Variants in SLC30A7 observed in about 807,000 individuals in gnomAD.
SLC30A7 encodes the protein solute carrier family 30 member 7.
In SLC30A7, 35 loss-of-function variants were observed where a neutral mutation model predicts 46.0. The ratio of observed to expected loss-of-function variants is 0.76; its 90% CI spans 0.58 to 1.01. The LOEUF (loss-of-function observed/expected upper bound fraction) is 1.01, where lower values mean the gene tolerates loss of function less well. Ranked by LOEUF, SLC30A7 falls within the 50% of genes least tolerant of loss-of-function variation. SLC30A7 has a pLI of 0.00. For synonymous variants in SLC30A7, 147 were observed against 157.8 expected, an observed-to-expected ratio of 0.93 and a Z score of 0.51; for missense variants, 464 against 451.1, an observed-to-expected ratio of 1.03 and a Z score of -0.26.
Position 100,974,814 on chromosome 1 carries a change from G to C in SLC30A7, c.1088G>C (p.Gly363Ala), listed in dbSNP as rs763508642. Residue 363 changes from glycine (G) to alanine (A), a missense_variant, in exon 11 of 11, where the codon GGA becomes GCA. Gly to Ala is a moderately conservative substitution (Grantham distance 60). Transcript: ENST00000357650. Reference protein sequence around the residue: ...SQTHNIFTQAGVRQLYVQIDF... With the variant: ...SQTHNIFTQAAVRQLYVQIDF... The stretch of plus-strand genomic sequence containing the variant: ...TTTTTTTTTCTTACTTTTCAGGCTG[G>C]AGTGAGACAGCTCTACGTACAGATT... 1.9e-6 allele frequency: 3 copies of C among 1,583,962 alleles called. No homozygotes were observed. Among genetic ancestry groups the C allele is most frequent in the Non-Finnish European group, 2.6e-6 (3 of 1,159,648 alleles).
At chr1:100,972,327 C>A (rs767056947) in intron 10 of SLC30A7, 3 of 312,262 alleles carry the variant, frequency 9.6e-6, no homozygotes, top group South Asian at 6.0e-5. Context: ...CTGTCCTCAT[C>A]GGGCCAGATG....
rs535366584 is a variant in SLC30A7 at position 100,959,835 on chromosome 1, G to A, written c.843-1993G>A. Among the ~76,000 whole-genome samples the A allele has an allele frequency of 1.3e-4, 20 of 152,310 alleles. 1 individual carries two copies. In the South Asian group the frequency reaches 3.9e-3, roughly 30 times the overall value. ...GGCAGGGTCATTGGGAGCCATCACT[G>A]AAGCTGCCTGTTACGTGGACTTGAG... On this transcript the variant is annotated intron_variant, in intron 8 of 10. Coordinates refer to ENST00000357650, the MANE Select transcript of SLC30A7 (RefSeq NM_133496.5).
intron 8 of SLC30A7, among the ~76,000 whole-genome samples, chr1:100,961,017 C>T (rs1463651606): frequency 7.1e-6 from 1 of 141,498 alleles, no homozygotes; most frequent in African/African-American, 2.7e-5. Context: ...TGCAGTGGTG[C>T]GATCTCGGCT....
chr1:100,922,058 A>G lies in SLC30A7; in HGVS notation c.842+217A>G, dbSNP rs191376431. Among the ~76,000 whole-genome samples the G allele has an allele frequency of 1.6e-3, 239 of 150,930 alleles. 1 individual carries two copies. Among genetic ancestry groups the G allele is most frequent in the Non-Finnish European group, 2.7e-3 (184 of 67,850 alleles). On this transcript the variant is annotated intron_variant, in intron 8 of 10. Transcript: ENST00000357650. ...CATCTCTGCCTCCTGGGTTGAAGCA[A>G]TTCTCCTGCGTCAGCCTCTCAAGTA...
intron 2 of SLC30A7, among the ~76,000 whole-genome samples, chr1:100,900,997 A>G (rs1012363575): frequency 6.6e-6 from 1 of 152,206 alleles, no homozygotes; most frequent in Non-Finnish European, 1.5e-5. Context: ...TACATGGTCT[A>G]TCTTATTTCA....
intron 7 of SLC30A7, among the ~76,000 whole-genome samples, chr1:100,920,252 G>C (rs1325572802): frequency 6.6e-6 from 1 of 151,852 alleles, no homozygotes; most frequent in Non-Finnish European, 1.5e-5. Context: ...AGGCTTAAAA[G>C]CATGTATCAT....
the SLC30A7 span, chr1:100,990,198 C>A: frequency 1.8e-6 from 1 of 554,206 alleles, no homozygotes; most frequent in South Asian, 2.2e-5. Flanking sequence ...AGGGGAAATG[C>A]CAGGCACTTA....
At chr1:100,936,132 A>G (rs1428368478) in intron 8 of SLC30A7, among the ~76,000 whole-genome samples, 2 of 150,710 alleles carry the variant, frequency 1.3e-5, no homozygotes, top group East Asian at 1.9e-4. Flanking sequence ...ACAGTTTACC[A>G]TAGTAGTATT....
At chr1:100,896,511 C>T in intron 1 of SLC30A7, 59 bp from the exon 2 acceptor site, 9 of 1,519,914 alleles carry the variant, frequency 5.9e-6, no homozygotes, top group Non-Finnish European at 7.3e-6. Context: ...GGTACCCAGC[C>T]TCGGGGTCCC....
intron 6 of SLC30A7, among the ~76,000 whole-genome samples, chr1:100,916,749 C>T (rs1275030243): frequency 7.1e-6 from 1 of 141,576 alleles, no homozygotes; most frequent in African/African-American, 2.6e-5. Context: ...CATCCTCACT[C>T]CTGCAGCACC....
the SLC30A7 span, chr1:100,992,713 C>A: frequency 6.2e-7 from 1 of 1,613,622 alleles, no homozygotes; most frequent in East Asian, 2.2e-5. Context: ...CACTCATATA[C>A]CGTGGAGGTT....
chr1:100,976,748 A>G lies in SLC30A7; in HGVS notation c.*1891A>G, dbSNP rs1355416817. ...TTTCCCCTATTTCTGACCTACAACT[A>G]TAAACTACTCTCTATTAGGAGAACT... On this transcript the variant is annotated 3_prime_UTR_variant, in exon 11 of 11. Transcript: ENST00000357650. 6.6e-6 allele frequency: 1 copy of G among 152,642 alleles called. No homozygotes were observed. Among genetic ancestry groups the G allele is most frequent in the Non-Finnish European group, 1.5e-5 (1 of 68,014 alleles). The allele number at this position is 152,642 out of a possible 1,614,324, so 9.5% of individuals were successfully genotyped here. A position where few individuals can be genotyped will look rare whatever the true frequency, so the allele number is the denominator to read the frequency against.
intron 8 of SLC30A7, among the ~76,000 whole-genome samples, chr1:100,952,186 G>A (rs1209843236): frequency 1.3e-5 from 2 of 152,176 alleles, no homozygotes; most frequent in African/African-American, 4.8e-5. Flanking sequence ...TAATTAATTT[G>A]TGCTATTTTA....
the SLC30A7 span, chr1:100,995,203 C>G: frequency 7.7e-7 from 1 of 1,303,178 alleles, no homozygotes; most frequent in Non-Finnish European, 1.1e-6. Flanking sequence ...TATCCAAAAC[C>G]CTATGTGTAA....
chr1:100,933,068 C>T (rs1406333878), intron 8 of SLC30A7, among the ~76,000 whole-genome samples: 1 of 151,716 alleles, frequency 6.6e-6, no homozygotes, highest in Non-Finnish European at 1.5e-5. Context: ...CTCTGCCTCC[C>T]TGGTTCAGGG....
At chr1:100,939,396 G>A (rs1285874370) in intron 8 of SLC30A7, among the ~76,000 whole-genome samples, 2 of 152,112 alleles carry the variant, frequency 1.3e-5, no homozygotes, top group African/African-American at 2.4e-5. Flanking sequence ...ACTGAATGAT[G>A]TAATTAAAGA....
intron 8 of SLC30A7, among the ~76,000 whole-genome samples, chr1:100,923,627 A>T (rs1653100243): frequency 6.6e-6 from 1 of 152,068 alleles, no homozygotes; most frequent in South Asian, 2.1e-4. Flanking sequence ...AAAATTTAAA[A>T]ATTAGCTGGG....
intron 10 of SLC30A7, among the ~76,000 whole-genome samples, chr1:100,968,880 G>A (rs2101095978): frequency 6.6e-6 from 1 of 152,292 alleles, no homozygotes; most frequent in African/African-American, 2.4e-5. Flanking sequence ...AACTGTATTT[G>A]ATTAAAGCCA....
chr1:100,921,061 C>T (rs537030966), intron 7 of SLC30A7, among the ~76,000 whole-genome samples: 22 of 152,178 alleles, frequency 1.4e-4, no homozygotes, highest in African/African-American at 4.3e-4. Flanking sequence ...ATCAGTATAA[C>T]ATCAGTATCC....
Sources: allele counts gnomAD v4.1 joint callset (sites outside exome capture counted in the v4.1 genomes callset), GRCh38; gene constraint gnomAD v4.1.1; transcripts MANE v1.5; gene names NCBI Gene and HGNC (gene_info 2026-07-23, HGNC 2026-07-21).